Variants in MCCC2 observed in about 807,000 individuals in gnomAD.
MCCC2 encodes methylcrotonoyl-CoA carboxylase beta chain, mitochondrial.
Under a neutral mutation model 77.2 loss-of-function variants are expected in MCCC2, and 52 were observed. That is an observed-to-expected ratio of 0.67 (90% CI 0.54 to 0.85). The LOEUF (loss-of-function observed/expected upper bound fraction) is 0.85, where lower values mean the gene tolerates loss of function less well. Ranked by LOEUF, MCCC2 falls within the 40% of genes least tolerant of loss-of-function variation. MCCC2 has a pLI of 0.00. For synonymous variants in MCCC2, 253 were observed against 248.4 expected (o/e 1.02, Z -0.18); for missense variants, 682 against 703.2 (o/e 0.97, Z 0.34).
At chr5:71,594,834 T>G (rs1413706350) in intron 2 of MCCC2, among the ~76,000 whole-genome samples, 1 of 151,748 alleles carries the variant, frequency 6.6e-6, no homozygotes, top group East Asian at 1.9e-4. Flanking sequence ...CACCAGCTGC[T>G]CCAAATTGTA....
At chr5:71,651,960 C>T (rs1037102610) in intron 15 of MCCC2, among the ~76,000 whole-genome samples, 1 of 152,166 alleles carries the variant, frequency 6.6e-6, no homozygotes, top group Non-Finnish European at 1.5e-5. Flanking sequence ...ATGGTTCTCC[C>T]TCAGAATTCG....
At chr5:71,611,033 AAG>A (rs1171956310) in intron 6 of MCCC2, among the ~76,000 whole-genome samples, 5 of 152,244 alleles carry the variant, frequency 3.3e-5, no homozygotes, top group Middle Eastern at 3.4e-3. Context: ...TTTAAAAAGA[AAG>A]GGCTCCAGTA....
chr5:71,631,387 G>A (rs1343750599), intron 7 of MCCC2, among the ~76,000 whole-genome samples: 1 of 152,072 alleles, frequency 6.6e-6, no homozygotes, highest in African/African-American at 2.4e-5. Flanking sequence ...AACTTGAGGT[G>A]GGACTTGAAG....
At chr5:71,643,609 C>T (rs1747190523) in intron 11 of MCCC2, among the ~76,000 whole-genome samples, 1 of 152,130 alleles carries the variant, frequency 6.6e-6, no homozygotes, top group African/African-American at 2.4e-5. Context: ...CTACATGTAT[C>T]GTGACCCTTT....
intron 7 of MCCC2, among the ~76,000 whole-genome samples, chr5:71,631,618 G>A (rs1457704047): frequency 6.8e-6 from 1 of 147,174 alleles, no homozygotes; most frequent in Non-Finnish European, 1.5e-5. Flanking sequence ...TCGGCTCACT[G>A]CAAGCTCCGC....
intron 6 of MCCC2, among the ~76,000 whole-genome samples, chr5:71,617,181 G>A (rs183810163): frequency 7.3e-4 from 111 of 152,222 alleles, no homozygotes; most frequent in Non-Finnish European, 1.3e-3. Context: ...ATATACCATA[G>A]CCTTTTTTGA....
In MCCC2 at chr5:71,604,466, C is replaced by T; in HGVS notation, c.622C>T (p.Gln208Ter). Reference sequence around the variant, plus strand: ...AATTATGTCTTCTAAAAATATTGCACAGGTAATTTTTCATGAATAAAGTGT... The same window carrying T: ...AATTATGTCTTCTAAAAATATTGCATAGGTAATTTTTCATGAATAAAGTGT... ...QAIMSSKNIA[Q>*]IAVVMGSCTA... The change falls in exon 6 of 17, where the codon CAG becomes TAG. Residue 208 changes from glutamine (Q) to a stop codon, truncating the protein, a stop_gained and splice_region_variant. Coordinates refer to ENST00000340941, the MANE Select transcript of MCCC2 (RefSeq NM_022132.5). LOFTEE classifies it high-confidence loss of function. The T allele has an allele frequency of 6.2e-7, 1 of 1,609,580 alleles. No individual in the cohort carries two copies. The highest frequency in any genetic ancestry group is 8.5e-7 in the Non-Finnish European group (1 of 1,176,010).
intron 7 of MCCC2, among the ~76,000 whole-genome samples, chr5:71,631,009 A>G (rs943750338): frequency 6.6e-6 from 1 of 152,128 alleles, no homozygotes; most frequent in Non-Finnish European, 1.5e-5. Context: ...TCTGGCTATA[A>G]TTAAGTTATT....
At chr5:71,612,093 C>T (rs913942956) in intron 6 of MCCC2, among the ~76,000 whole-genome samples, 3 of 152,016 alleles carry the variant, frequency 2.0e-5, no homozygotes, top group Admixed American at 6.5e-5. Context: ...CATGAGCCAC[C>T]GCGCCTGGTC....
intron 11 of MCCC2, among the ~76,000 whole-genome samples, chr5:71,641,629 C>A (rs1053929373): frequency 6.6e-6 from 1 of 152,154 alleles, no homozygotes; most frequent in Non-Finnish European, 1.5e-5. Context: ...TTTTTTAAAT[C>A]TAAACTGTTT....
At chr5:71,654,992 G>A (rs191210543) in intron 16 of MCCC2, among the ~76,000 whole-genome samples, 152 of 152,022 alleles carry the variant, frequency 1.0e-3, no homozygotes, top group African/African-American at 3.0e-3. Flanking sequence ...GTGCCACCAC[G>A]CCTGGCTAAT....
intron 1 of MCCC2, among the ~76,000 whole-genome samples, chr5:71,588,551 G>A (rs1375502156): frequency 6.6e-6 from 1 of 152,176 alleles, no homozygotes; most frequent in African/African-American, 2.4e-5. Context: ...ATTTGGCATG[G>A]ATGCGTAGGA....
At chr5:71,604,182 A>G (rs1045809764) in intron 5 of MCCC2, among the ~76,000 whole-genome samples, 174 bp from the exon 6 acceptor site, 3 of 152,172 alleles carry the variant, frequency 2.0e-5, no homozygotes, top group Non-Finnish European at 2.9e-5. Flanking sequence ...GGGGCAATGA[A>G]TCCTTTTGGC....
intron 8 of MCCC2, among the ~76,000 whole-genome samples, chr5:71,633,114 TA>T (rs1461138791): frequency 1.0e-4 from 10 of 99,388 alleles, no homozygotes; most frequent in African/African-American, 3.3e-4. Flanking sequence ...TATATATATA[TA>T]TATATATATA....
chr5:71,635,369 A>G, intron 10 of MCCC2, 123 bp downstream of exon 10: 1 of 850,518 alleles, frequency 1.2e-6, no homozygotes, highest in African/African-American at 1.7e-5. Context: ...GGATCTCAGT[A>G]AGGAGTGACA....
At chr5:71,616,090 G>A (rs1746146847) in intron 6 of MCCC2, among the ~76,000 whole-genome samples, 2 of 152,228 alleles carry the variant, frequency 1.3e-5, no homozygotes, top group African/African-American at 4.8e-5. Flanking sequence ...ACTCATCCAA[G>A]TGCTAGGAAG....
chr5:71,657,098 A>G lies in MCCC2; in HGVS notation c.*238A>G, dbSNP rs948112008. 1 of 475,242 alleles carries G rather than the reference A, an allele frequency of 2.1e-6. No homozygotes were observed. 29.4% of individuals were successfully genotyped at this position (475,242 alleles called of 1,614,324 possible). On this transcript the variant is annotated 3_prime_UTR_variant, in exon 17 of 17. Coordinates refer to ENST00000340941, the MANE Select transcript of MCCC2 (RefSeq NM_022132.5). ...GTTTTACCACCCATAAAGCGGAGAC[A>G]GTAATTTACGGTTATCCTTTCTGAC...
Position 71,632,165 on chromosome 5 carries a change from A to G in MCCC2, c.783A>G (p.Gly261=). ...TGEEVSAEDL[G]GADLHCRKSG... is the part of the protein sequence containing the mutation. ...AAGAAGTATCTGCTGAGGATCTTGG[A>G]GGTGCTGATCTTCATTGCAGGTGAA... The change falls in exon 8 of 17, where the codon GGA becomes GGG. Residue 261 remains glycine, a synonymous_variant. Coordinates refer to ENST00000340941, the MANE Select transcript of MCCC2 (RefSeq NM_022132.5). The G allele has an allele frequency of 6.2e-7, 1 of 1,614,130 alleles. No individual in the cohort carries two copies. Among genetic ancestry groups the G allele is most frequent in the Non-Finnish European group, 8.5e-7 (1 of 1,179,998 alleles).
Position 71,587,528 on chromosome 5 carries a change from C to A in MCCC2, c.103C>A (p.Pro35Thr). The change falls in exon 1 of 17, where the codon CCG becomes ACG. Residue 35 changes from proline (P) to threonine (T), a missense_variant. Physicochemically the swap from Pro to Thr is conservative, Grantham distance 38. Coordinates refer to ENST00000340941, the MANE Select transcript of MCCC2 (RefSeq NM_022132.5). The stretch of plus-strand genomic sequence containing the variant: ...CTCGGTGGCCTCGCTGGGCACCCAG[C>A]CGGACTTGGGCTCTGCCCTCTACCA... ...GDSVASLGTQ[P>T]DLGSALYQEN... The A allele has an allele frequency of 1.3e-6, 2 of 1,538,216 alleles. No homozygotes were observed. Among genetic ancestry groups the A allele is most frequent in the Non-Finnish European group, 8.7e-7 (1 of 1,146,398 alleles).
Sources: gnomAD v4.1 joint callset for allele counts (sites outside exome capture counted in the v4.1 genomes callset) on GRCh38, gnomAD v4.1.1 for gene constraint, MANE v1.5 for transcripts, NCBI Gene and HGNC (gene_info 2026-07-23, HGNC 2026-07-21) for gene names.